The following BCAT1 variants were observed in gnomAD, a reference collection of about 807,000 sequenced individuals.
BCAT1 encodes branched chain amino acid transaminase 1.
Under a neutral mutation model 52.4 loss-of-function variants are expected in BCAT1, and 48 were observed. The ratio of observed to expected loss-of-function variants is 0.92; its 90% CI spans 0.73 to 1.16. The LOEUF is 1.16. Ranked by LOEUF, BCAT1 falls within the 50% of genes most tolerant of loss-of-function variation. The pLI is 0.00. For synonymous variants in BCAT1, 167 were observed against 161.3 expected (o/e 1.04, Z -0.27); for missense variants, 451 against 457.1 (o/e 0.99, Z 0.12).
In BCAT1 at chr12:24,948,973, G is replaced by A; in HGVS notation, c.-41C>T. ...GAGGGAAGCTCGAGCTGAGCGGAGGGCAGATCCCAAGGGTCGTAGCCCCTG... is the reference window on the plus strand; with the variant it reads ...GAGGGAAGCTCGAGCTGAGCGGAGGACAGATCCCAAGGGTCGTAGCCCCTG... On this transcript the variant is annotated 5_prime_UTR_variant, in exon 1 of 11. Transcript: ENST00000261192. 5.1e-6 allele frequency: 8 copies of A among 1,583,324 alleles called. No individual in the cohort carries two copies. Among genetic ancestry groups the A allele is most frequent in the South Asian group, 1.2e-5 (1 of 86,060 alleles).
intron 1 of BCAT1, among the ~76,000 whole-genome samples, chr12:24,929,539 T>C (rs1303725413): frequency 6.6e-6 from 1 of 152,202 alleles, no homozygotes; most frequent in East Asian, 1.9e-4. Flanking sequence ...AAAAAAACTT[T>C]GATAAGAATC....
At chr12:24,840,998 C>T (rs1941156095) in intron 7 of BCAT1, among the ~76,000 whole-genome samples, 1 of 152,008 alleles carries the variant, frequency 6.6e-6, no homozygotes, top group South Asian at 2.1e-4. Flanking sequence ...TTTCTCCCAC[C>T]GTTGGCCATT....
chr12:24,880,771 C>A (rs984817812), intron 4 of BCAT1, among the ~76,000 whole-genome samples: 2 of 151,954 alleles, frequency 1.3e-5, no homozygotes, highest in Non-Finnish European at 2.9e-5. Context: ...GCATATGAAT[C>A]CCCCACAGAC....
intron 1 of BCAT1, among the ~76,000 whole-genome samples, chr12:24,929,517 A>C (rs1387948345): frequency 6.6e-6 from 1 of 152,208 alleles, no homozygotes; most frequent in East Asian, 1.9e-4. Flanking sequence ...AACAAAATTT[A>C]TATCTATAAA....
intron 4 of BCAT1, 57 bp downstream of exon 4, chr12:24,881,244 A>T: frequency 7.9e-7 from 1 of 1,258,430 alleles, no homozygotes; most frequent in Non-Finnish European, 1.1e-6. Flanking sequence ...TTTGGTGGTC[A>T]ACACCGTGAC....
At chr12:24,934,062 C>CA (rs1943718895) in intron 1 of BCAT1, among the ~76,000 whole-genome samples, 1 of 152,194 alleles carries the variant, frequency 6.6e-6, no homozygotes, top group Non-Finnish European at 1.5e-5. Flanking sequence ...TTCCTAGTTT[C>CA]TGCCGGCATT....
At chr12:24,855,942 T>A (rs1941666937) in intron 5 of BCAT1, among the ~76,000 whole-genome samples, 1 of 152,124 alleles carries the variant, frequency 6.6e-6, no homozygotes, top group Admixed American at 6.5e-5. Flanking sequence ...GATCCCATCT[T>A]TAGACAAATA....
intron 5 of BCAT1, among the ~76,000 whole-genome samples, chr12:24,850,745 T>G (rs1941483291): frequency 6.6e-6 from 1 of 152,216 alleles, no homozygotes; most frequent in South Asian, 2.1e-4. Flanking sequence ...CTGTTTCCTG[T>G]ATGTCACTTT....
chr12:24,848,617 C>G (rs572128470), intron 6 of BCAT1, among the ~76,000 whole-genome samples: 1 of 152,264 alleles, frequency 6.6e-6, no homozygotes, highest in Non-Finnish European at 1.5e-5. Flanking sequence ...TTTATTTACT[C>G]TCTATATATG....
chr12:24,924,223 CA>C (rs1272959167), intron 1 of BCAT1, among the ~76,000 whole-genome samples: 1 of 152,002 alleles, frequency 6.6e-6, no homozygotes, highest in Non-Finnish European at 1.5e-5. Flanking sequence ...ATAACAGTAA[CA>C]AATTATAATG....
At chr12:24,894,905 T>C (rs1942925711) in intron 2 of BCAT1, among the ~76,000 whole-genome samples, 1 of 152,216 alleles carries the variant, frequency 6.6e-6, no homozygotes, top group African/African-American at 2.4e-5. Flanking sequence ...GAACTGCTAT[T>C]TAGCAATGGT....
At chr12:24,868,266 T>A (rs560077335) in intron 5 of BCAT1, among the ~76,000 whole-genome samples, 1 of 152,292 alleles carries the variant, frequency 6.6e-6, no homozygotes, top group East Asian at 1.9e-4. Flanking sequence ...TTGTAATTTA[T>A]GACATTCTAT....
At chr12:24,901,232 GA>G (rs1036019257) in intron 2 of BCAT1, among the ~76,000 whole-genome samples, 70 of 152,356 alleles carry the variant, frequency 4.6e-4, no homozygotes, top group African/African-American at 1.6e-3. Context: ...CAAACAGGCA[GA>G]AGAGCAGCAC....
chr12:24,859,831 C>A (rs1475388419), intron 5 of BCAT1, among the ~76,000 whole-genome samples: 2 of 151,908 alleles, frequency 1.3e-5, no homozygotes, highest in East Asian at 3.9e-4. Flanking sequence ...CCCTTAAGTC[C>A]AAAAATGACA....
rs1172409693 is a variant in BCAT1 at position 24,949,011 on chromosome 12, G to C, written c.-79C>G. 125 of 1,500,032 alleles carry C rather than the reference G, an allele frequency of 8.3e-5. No individual in the cohort carries two copies. The highest frequency in any genetic ancestry group is 1.1e-4 in the Non-Finnish European group (121 of 1,101,730). The allele number at this position is 1,500,032 out of a possible 1,614,324, so 92.9% of individuals were successfully genotyped here. A position where few individuals can be genotyped will look rare whatever the true frequency, so the allele number is the denominator to read the frequency against. ...GTCGTAGCCCCTGGCCGTGTGGACC[G>C]GGTCTGCGGCTGCAGAGCGCGGTCC... On this transcript the variant is annotated 5_prime_UTR_variant, in exon 1 of 11. Transcript: ENST00000261192.
chr12:24,893,888 T>G (rs138235920), intron 3 of BCAT1, among the ~76,000 whole-genome samples: 1 of 152,196 alleles, frequency 6.6e-6, no homozygotes, highest in East Asian at 1.9e-4. Context: ...GTCATAAAAA[T>G]GTGGAGTTAG....
intron 4 of BCAT1, among the ~76,000 whole-genome samples, chr12:24,880,779 G>C (rs1400025746): frequency 6.6e-6 from 1 of 151,426 alleles, no homozygotes; most frequent in Non-Finnish European, 1.5e-5. Flanking sequence ...ATCCCCCACA[G>C]ACACTGATTT....
chr12:24,819,505 T>C (rs1940023844), intron 10 of BCAT1, among the ~76,000 whole-genome samples: 1 of 152,172 alleles, frequency 6.6e-6, no homozygotes, highest in Non-Finnish European at 1.5e-5. Flanking sequence ...GTGATCTCTT[T>C]TGAAGAAAGT....
At chr12:24,921,209 A>AAGCTATC (rs1429294593) in intron 1 of BCAT1, among the ~76,000 whole-genome samples, 1 of 152,220 alleles carries the variant, frequency 6.6e-6, no homozygotes, top group African/African-American at 2.4e-5. Flanking sequence ...CCCCACTCTG[A>AAGCTATC]AGCTATCAGT....
Sources: allele counts gnomAD v4.1 joint callset (sites outside exome capture counted in the v4.1 genomes callset), GRCh38; gene constraint gnomAD v4.1.1; transcripts MANE v1.5; gene names NCBI Gene and HGNC (gene_info 2026-07-23, HGNC 2026-07-21).